UGT1A7: variants seen among roughly 807,000 people sequenced by gnomAD.
UGT1A7 encodes the protein UDP-glucuronosyltransferase 1A7.
Under a neutral mutation model 45.6 loss-of-function variants are expected in UGT1A7, and 33 were observed. The observed-to-expected ratio is 0.72, with a 90% CI of 0.55 to 0.97. The LOEUF is 0.97. UGT1A7 is among the 50% of genes least tolerant of loss of function. The pLI, the probability that UGT1A7 is intolerant of heterozygous loss-of-function variation, is 0.00. For synonymous variants in UGT1A7, 274 were observed against 250.6 expected (o/e 1.09, Z -0.88); for missense variants, 684 against 666.2 (o/e 1.03, Z -0.29).
chr2:233,765,615 G>A (rs958268372), intron 1 of UGT1A7, among the ~76,000 whole-genome samples: 44 of 151,894 alleles, frequency 2.9e-4, no homozygotes, highest in African/African-American at 1.0e-3. Flanking sequence ...GCGGGGTGAG[G>A]GGTGAGGGGA....
At chr2:233,688,190 C>T (rs10168155) in intron 1 of UGT1A7, among the ~76,000 whole-genome samples, 59,819 of 152,018 alleles carry the variant, frequency 0.39, 11,958 homozygotes, top group South Asian at 0.45. Context: ...CCTTTATGAC[C>T]GGCTTCTTTC....
At chr2:233,729,001 C>T in intron 1 of UGT1A7, 3 of 1,564,662 alleles carry the variant, frequency 1.9e-6, no homozygotes, top group Non-Finnish European at 2.6e-6. Flanking sequence ...TAGAGGAGGG[C>T]ACTCTGTCTT....
intron 1 of UGT1A7, among the ~76,000 whole-genome samples, chr2:233,698,132 G>A (rs1231040285): frequency 6.6e-6 from 1 of 152,170 alleles, no homozygotes; most frequent in Non-Finnish European, 1.5e-5. Flanking sequence ...CCTTGTTTGT[G>A]TCTCAACTGT....
At chr2:233,719,782 T>C in intron 1 of UGT1A7, 1 of 1,610,592 alleles carries the variant, frequency 6.2e-7, no homozygotes. Flanking sequence ...TACTTATCTT[T>C]CCAAAGATTT....
Position 233,760,817 on chromosome 2 carries a change from G to A in UGT1A7, c.856-6217G>A, listed in dbSNP as rs1373930486. 1 of 1,613,516 alleles carries A rather than the reference G, an allele frequency of 6.2e-7. No individual in the cohort carries two copies. Among genetic ancestry groups the A allele is most frequent in the South Asian group, 1.1e-5 (1 of 91,054 alleles). ...GTATTCTTCTTGCATGCACTGCCAT[G>A]CAGCCTGGAATTTGAGGCTACCCAG... On this transcript the variant is annotated intron_variant, in intron 1 of 4. Transcript: ENST00000373426.
chr2:233,735,441 C>T (rs867526694), intron 1 of UGT1A7, among the ~76,000 whole-genome samples: 5 of 151,950 alleles, frequency 3.3e-5, no homozygotes, highest in African/African-American at 9.7e-5. Flanking sequence ...TACAGCATAC[C>T]GATGGGCCTT....
intron 1 of UGT1A7, chr2:233,760,820 G>A (rs1177412651): frequency 6.2e-7 from 1 of 1,613,432 alleles, no homozygotes; most frequent in Non-Finnish European, 8.5e-7. Context: ...CTGCCATGCA[G>A]CCTGGAATTT....
chr2:233,767,201 T>C lies in UGT1A7; in HGVS notation c.987+36T>C, dbSNP rs756377002. 1.3e-4 allele frequency: 211 copies of C among 1,613,460 alleles called. 4 individuals are homozygous for C. In the South Asian group the frequency reaches 2.3e-3, roughly 17 times the overall value. ...TCTATACCATGGCCTCATATCTATT[T>C]TCACAGGAGCGCTAATCCCAGACTT... On this transcript the variant is annotated intron_variant, in intron 2 of 4. Transcript: ENST00000373426.
chr2:233,762,816 G>T (rs28946889), intron 1 of UGT1A7, among the ~76,000 whole-genome samples: 30,774 of 150,410 alleles, frequency 0.2, 3,870 homozygotes, highest in East Asian at 0.45. Flanking sequence ...TCAAAATATT[G>T]ATTTTCATAA....
chr2:233,690,078 A>G (rs773833099), intron 1 of UGT1A7, among the ~76,000 whole-genome samples: 14 of 152,174 alleles, frequency 9.2e-5, no homozygotes, highest in Non-Finnish European at 1.8e-4. Flanking sequence ...CAGCCTATCA[A>G]ATAGATTAAA....
At chr2:233,709,841 C>T (rs1020241800) in intron 1 of UGT1A7, among the ~76,000 whole-genome samples, 4 of 152,190 alleles carry the variant, frequency 2.6e-5, no homozygotes, top group Admixed American at 2.6e-4. Flanking sequence ...GCAGCCATCA[C>T]CACATTCAAG....
At chr2:233,721,653 G>C in intron 1 of UGT1A7, 1 of 213,974 alleles carries the variant, frequency 4.7e-6, no homozygotes, top group Non-Finnish European at 9.6e-6. Flanking sequence ...GGCAGTGGGG[G>C]GTCATGTAAG....
chr2:233,682,612 A>G lies in UGT1A7; in HGVS notation c.675A>G (p.Lys225=), dbSNP rs1243333362. 1 of 1,613,744 alleles carries G rather than the reference A, an allele frequency of 6.2e-7. No individual in the cohort carries two copies. Among genetic ancestry groups the G allele is most frequent in the Non-Finnish European group, 8.5e-7 (1 of 1,179,842 alleles). Residue 225 remains lysine, a synonymous_variant, in exon 1 of 5, where the codon AAA becomes AAG. Coordinates refer to ENST00000373426, the MANE Select transcript of UGT1A7 (RefSeq NM_019077.3). The part of the protein sequence containing the change: ...EEHLFCPYFF[K]NVLEIASEIL... ...ATTTATTTTGCCCCTATTTTTTCAA[A>G]AATGTCTTAGAAATAGCCTCTGAAA...
intron 1 of UGT1A7, among the ~76,000 whole-genome samples, chr2:233,688,937 A>G (rs2074920276): frequency 6.6e-6 from 1 of 152,204 alleles, no homozygotes; most frequent in South Asian, 2.1e-4. Flanking sequence ...TGGCAGGTGC[A>G]GCATGAAGCC....
At chr2:233,706,797 A>G (rs952386355) in intron 1 of UGT1A7, among the ~76,000 whole-genome samples, 9 of 152,160 alleles carry the variant, frequency 5.9e-5, no homozygotes, top group African/African-American at 1.9e-4. Context: ...CCATGCACCA[A>G]TTAGGTTGGG....
chr2:233,763,526 C>T (rs17864704), intron 1 of UGT1A7, among the ~76,000 whole-genome samples: 1 of 152,330 alleles, frequency 6.6e-6, no homozygotes, highest in Non-Finnish European at 1.5e-5. Flanking sequence ...TTGCCATTCT[C>T]CTTTTTCCGG....
At chr2:233,729,219 G>A in intron 1 of UGT1A7, 1 of 1,614,156 alleles carries the variant, frequency 6.2e-7, no homozygotes, top group Non-Finnish European at 8.5e-7. Context: ...GTGGAAAGGT[G>A]TTGGTGGTGC....
Position 233,743,547 on chromosome 2 carries a change from C to G in UGT1A7, c.856-23487C>G, listed in dbSNP as rs201114978. ...TTCCCCAGCAGTTCCTCTGACCCCC[C>G]CAAAATATTCTCCAGCGGGTTTCCC... is the stretch of plus-strand genomic sequence containing the variant. On this transcript the variant is annotated intron_variant, in intron 1 of 4. Coordinates refer to ENST00000373426, the MANE Select transcript of UGT1A7 (RefSeq NM_019077.3). 1.6e-4 allele frequency: 221 copies of G among 1,367,292 alleles called. 1 individual carries two copies. In the East Asian group the frequency reaches 2.5e-3, roughly 15 times the overall value. The allele number at this position is 1,367,292 out of a possible 1,614,324, so 84.7% of individuals were successfully genotyped here.
intron 1 of UGT1A7, among the ~76,000 whole-genome samples, chr2:233,735,156 T>G (rs2078613836): frequency 6.6e-6 from 1 of 152,214 alleles, no homozygotes; most frequent in Non-Finnish European, 1.5e-5. Context: ...TCTAAGTCTC[T>G]GTGTAGGTCT....
Sources: gnomAD v4.1 joint callset for allele counts (sites outside exome capture counted in the v4.1 genomes callset) on GRCh38, gnomAD v4.1.1 for gene constraint, MANE v1.5 for transcripts, NCBI Gene and HGNC (gene_info 2026-07-23, HGNC 2026-07-21) for gene names.